The following SLIT1 variants were observed in gnomAD, a reference collection of about 807,000 sequenced individuals.
The protein encoded by SLIT1 is slit guidance ligand 1.
In SLIT1, 66 loss-of-function variants were observed where a neutral mutation model predicts 186.1. That is an observed-to-expected ratio of 0.35 (90% CI 0.29 to 0.44). SLIT1 has a LOEUF of 0.44. SLIT1 is among the 20% of genes least tolerant of loss of function. The probability of loss-of-function intolerance (pLI) is 1.00; values close to 1 mark genes in which losing one functional copy is unlikely to be tolerated. For missense variants in SLIT1, 1,638 were observed against 2,037.4 expected (o/e 0.80, Z 3.77); for synonymous variants, 761 against 833.8 (o/e 0.91, Z 1.50).
intron 4 of SLIT1, among the ~76,000 whole-genome samples, chr10:97,079,559 A>G (rs1005940781): frequency 5.9e-5 from 9 of 152,182 alleles, no homozygotes; most frequent in Admixed American, 1.3e-4. Flanking sequence ...TGCAGAAAAA[A>G]TCTGCCAAGT....
At chr10:97,070,573 A>G (rs764086417) in intron 4 of SLIT1, among the ~76,000 whole-genome samples, 2 of 152,174 alleles carry the variant, frequency 1.3e-5, no homozygotes, top group Non-Finnish European at 2.9e-5. Context: ...GGAGGTGAGG[A>G]CTTTGGGAGG....
chr10:97,180,704 A>G (rs564620798), intron 1 of SLIT1, among the ~76,000 whole-genome samples: 2 of 152,312 alleles, frequency 1.3e-5, no homozygotes, highest in African/African-American at 2.4e-5. Context: ...CTGTCTCCAC[A>G]TCCCAAGGGA....
chr10:97,130,943 C>T (rs1044960596), intron 4 of SLIT1, among the ~76,000 whole-genome samples: 2 of 152,134 alleles, frequency 1.3e-5, no homozygotes, highest in African/African-American at 4.8e-5. Flanking sequence ...GTGATCTGGA[C>T]CCCTAAAGAG....
chr10:97,146,093 A>G (rs907001664), intron 4 of SLIT1, among the ~76,000 whole-genome samples: 3 of 152,236 alleles, frequency 2.0e-5, no homozygotes, highest in Non-Finnish European at 2.9e-5. Context: ...CATTAGCATC[A>G]GAGAGCCAGT....
chr10:97,159,129 G>A (rs1849993604), intron 3 of SLIT1, among the ~76,000 whole-genome samples: 1 of 152,210 alleles, frequency 6.6e-6, no homozygotes, highest in African/African-American at 2.4e-5. Flanking sequence ...ACAACTGTAT[G>A]ATAAACCATC....
intron 18 of SLIT1, among the ~76,000 whole-genome samples, chr10:97,046,099 C>A (rs534075317): frequency 6.6e-6 from 1 of 152,316 alleles, no homozygotes; most frequent in South Asian, 2.1e-4. Flanking sequence ...GATACACACC[C>A]TCAGGATCAT....
intron 4 of SLIT1, among the ~76,000 whole-genome samples, chr10:97,077,828 T>C (rs1356314754): frequency 1.3e-5 from 2 of 152,212 alleles, no homozygotes; most frequent in Non-Finnish European, 2.9e-5. Context: ...AACTACAGTC[T>C]GGGCACAGTG....
chr10:97,034,275 C>T (rs1175499202), intron 23 of SLIT1, among the ~76,000 whole-genome samples, 196 bp downstream of exon 23: 2 of 152,140 alleles, frequency 1.3e-5, no homozygotes, highest in African/African-American at 2.4e-5. Context: ...TATTATTTTC[C>T]ATATATGCCA....
chr10:97,139,357 C>A (rs902469), intron 4 of SLIT1, among the ~76,000 whole-genome samples: 56,466 of 152,166 alleles, frequency 0.37, 11,817 homozygotes, highest in African/African-American at 0.58. Context: ...GTGTGCTCCC[C>A]TCAAACGGAG....
chr10:97,152,499 A>C (rs1170299652), intron 4 of SLIT1, among the ~76,000 whole-genome samples: 5 of 152,148 alleles, frequency 3.3e-5, no homozygotes. Context: ...GACACAAGAG[A>C]GTGTCACAGC....
At chr10:97,169,738 C>T (rs928228500) in intron 1 of SLIT1, among the ~76,000 whole-genome samples, 2 of 152,376 alleles carry the variant, frequency 1.3e-5, no homozygotes, top group African/African-American at 4.8e-5. Flanking sequence ...TGGGCACCAA[C>T]TGTGTGCAGG....
chr10:97,163,070 T>C (rs2134726106), intron 3 of SLIT1, among the ~76,000 whole-genome samples: 1 of 152,348 alleles, frequency 6.6e-6, no homozygotes, highest in African/African-American at 2.4e-5. Flanking sequence ...CAGGATGAGA[T>C]GACAGGAAGA....
intron 4 of SLIT1, among the ~76,000 whole-genome samples, chr10:97,114,286 C>T (rs1384440894): frequency 1.3e-5 from 2 of 152,222 alleles, no homozygotes; most frequent in African/African-American, 4.8e-5. Context: ...GGAGGCCAGC[C>T]GGTGGAAAGG....
chr10:97,164,371 G>A (rs749938830), intron 2 of SLIT1, among the ~76,000 whole-genome samples: 2 of 152,154 alleles, frequency 1.3e-5, no homozygotes, highest in Non-Finnish European at 2.9e-5. Context: ...GAGGCCTGGG[G>A]GCAGAGGGGA....
At chr10:97,016,294 G>A (rs1263344774) in intron 28 of SLIT1, among the ~76,000 whole-genome samples, 3 of 151,978 alleles carry the variant, frequency 2.0e-5, no homozygotes, top group Non-Finnish European at 2.9e-5. Flanking sequence ...GGGTGACAGA[G>A]CGAGACTCTG....
chr10:97,004,828 T>C lies in SLIT1; in HGVS notation c.3580-5A>G, dbSNP rs1482348341. ...ATTGTCCTCTGCCGTGGAGACCTGA[T>C]GGGCAGTGGCACTTTCTCTCCCACC... On this transcript the variant is annotated splice_region_variant and splice_polypyrimidine_tract_variant and intron_variant, in intron 32 of 36. Transcript: ENST00000266058. This position sits in a 1 kb window ranked among gnomAD's most constrained non-coding sequence, Gnocchi z 5.1. 1 of 1,614,108 alleles carries C rather than the reference T, an allele frequency of 6.2e-7. No homozygotes were observed. The highest frequency in any genetic ancestry group is 1.1e-5 in the South Asian group (1 of 91,064).
intron 4 of SLIT1, among the ~76,000 whole-genome samples, chr10:97,131,506 G>A (rs184143203): frequency 4.6e-5 from 7 of 152,274 alleles, no homozygotes; most frequent in African/African-American, 1.4e-4. Flanking sequence ...CACACTCACC[G>A]CATTCACAAG....
intron 1 of SLIT1, among the ~76,000 whole-genome samples, chr10:97,178,931 C>T (rs989050956): frequency 6.6e-6 from 1 of 152,140 alleles, no homozygotes; most frequent in African/African-American, 2.4e-5. Flanking sequence ...TCTCCTCTCC[C>T]AGAACTCACC....
At chr10:97,137,608 C>G (rs774863849) in intron 4 of SLIT1, among the ~76,000 whole-genome samples, 1 of 151,774 alleles carries the variant, frequency 6.6e-6, no homozygotes, top group Non-Finnish European at 1.5e-5. Flanking sequence ...TTCTTTTAGA[C>G]AAGGTCTCAC....
Sources: allele counts gnomAD v4.1 joint callset (sites outside exome capture counted in the v4.1 genomes callset), GRCh38; gene constraint gnomAD v4.1.1; non-coding constraint Gnocchi (gnomAD v3.1); transcripts MANE v1.5; gene names NCBI Gene and HGNC (gene_info 2026-07-23, HGNC 2026-07-21).